The following PAPPA2 variants were observed in gnomAD, a reference collection of about 807,000 sequenced individuals.
PAPPA2 encodes the protein pappalysin 2.
In PAPPA2, 86 loss-of-function variants were observed where a neutral mutation model predicts 176.4. The observed-to-expected ratio is 0.49, with a 90% CI of 0.41 to 0.58. The LOEUF (loss-of-function observed/expected upper bound fraction) is 0.58. Ranked by LOEUF, PAPPA2 falls within the 20% of genes least tolerant of loss-of-function variation. The pLI is 0.00. For missense variants in PAPPA2, 2,073 were observed against 2,256.9 expected (o/e 0.92, Z 1.65); for synonymous variants, 809 against 852.2 (o/e 0.95, Z 0.88).
intron 20 of PAPPA2, among the ~76,000 whole-genome samples, chr1:176,795,701 T>G (rs1307139059): frequency 6.6e-6 from 1 of 152,198 alleles, no homozygotes; most frequent in African/African-American, 2.4e-5. Context: ...TTTTGCTTCA[T>G]AAATTCATTT....
At chr1:176,716,812 C>T (rs1016677157) in intron 12 of PAPPA2, among the ~76,000 whole-genome samples, 1 of 151,696 alleles carries the variant, frequency 6.6e-6, no homozygotes, top group Non-Finnish European at 1.5e-5. Context: ...GGGGTTTCAC[C>T]GTGTTAGCCA....
At chr1:176,755,245 G>A (rs1456855786) in intron 14 of PAPPA2, among the ~76,000 whole-genome samples, 1 of 152,146 alleles carries the variant, frequency 6.6e-6, no homozygotes, top group Admixed American at 6.5e-5. Flanking sequence ...GAGAGGTAGA[G>A]TCCCAAAGGG....
rs1667433576 is a variant in PAPPA2 at position 176,840,223 on chromosome 1, C to T, written c.5253C>T (p.Cys1751=). 6.2e-7 allele frequency: 1 copy of T among 1,613,434 alleles called. No individual in the cohort carries two copies. Among genetic ancestry groups the T allele is most frequent in the Admixed American group, 1.7e-5 (1 of 59,990 alleles). The stretch of plus-strand genomic sequence containing the variant: ...ACACTATCAACAACCGAGCCTACTG[C>T]CACTATGACGGGGGAGACTGCTGCT... The part of the protein sequence containing the change: ...WCDTINNRAY[C]HYDGGDCCSS... Residue 1751 remains cysteine (C), a synonymous_variant, in exon 22 of 23, where the codon TGC becomes TGT. Coordinates refer to ENST00000367662, the MANE Select transcript of PAPPA2 (RefSeq NM_020318.3).
chr1:176,823,512 T>G (rs1458549262), intron 21 of PAPPA2, among the ~76,000 whole-genome samples: 1 of 152,222 alleles, frequency 6.6e-6, no homozygotes, highest in Non-Finnish European at 1.5e-5. Flanking sequence ...AGGTAGGCTG[T>G]GGTCATAAAT....
At chr1:176,504,405 A>T (rs1469730192) in intron 1 of PAPPA2, among the ~76,000 whole-genome samples, 3 of 152,124 alleles carry the variant, frequency 2.0e-5, no homozygotes, top group South Asian at 4.1e-4. Flanking sequence ...TGTTCTTTAC[A>T]CAAATGAAAG....
At chr1:176,704,418 A>G (rs552645929) in intron 9 of PAPPA2, among the ~76,000 whole-genome samples, 1 of 152,296 alleles carries the variant, frequency 6.6e-6, no homozygotes, top group East Asian at 1.9e-4. Context: ...AACACTTGTC[A>G]ATAGGACTAC....
intron 1 of PAPPA2, among the ~76,000 whole-genome samples, chr1:176,493,824 T>G (rs1647442789): frequency 6.6e-6 from 1 of 152,156 alleles, no homozygotes. Context: ...AATAAACAGT[T>G]CAGGAGAAAA....
chr1:176,842,735 C>T lies in PAPPA2; in HGVS notation c.*281C>T. ...TAGATATATAAGGACCCTCCTCCCT[C>T]ACTTATATTCTATTAAATCCTATCC... On this transcript the variant is annotated 3_prime_UTR_variant, in exon 23 of 23. Transcript: ENST00000367662. The T allele has an allele frequency of 2.4e-6, 1 of 425,520 alleles. No individual in the cohort carries two copies. The highest frequency in any genetic ancestry group is 2.7e-5 in the South Asian group (1 of 37,380). 26.4% of individuals were successfully genotyped at this position (425,520 alleles called of 1,614,324 possible).
chr1:176,729,793 C>T (rs1393425286), intron 12 of PAPPA2, among the ~76,000 whole-genome samples: 1 of 151,992 alleles, frequency 6.6e-6, no homozygotes, highest in Non-Finnish European at 1.5e-5. Flanking sequence ...TAAAACCAGC[C>T]AATTTTAGAT....
chr1:176,535,528 G>C (rs183753659), intron 1 of PAPPA2, among the ~76,000 whole-genome samples: 98 of 152,328 alleles, frequency 6.4e-4, no homozygotes, highest in Middle Eastern at 3.4e-3. Context: ...AGGCACATGA[G>C]AGATGTGGGG....
chr1:176,634,548 C>A (rs1244058689), intron 3 of PAPPA2, among the ~76,000 whole-genome samples: 1 of 151,744 alleles, frequency 6.6e-6, no homozygotes, highest in Non-Finnish European at 1.5e-5. Context: ...ATGTAATAAA[C>A]CTGCACGTTG....
intron 1 of PAPPA2, among the ~76,000 whole-genome samples, chr1:176,474,215 A>G (rs953341110): frequency 9.2e-5 from 14 of 152,224 alleles, no homozygotes; most frequent in African/African-American, 2.7e-4. Flanking sequence ...CTTACTTTAC[A>G]TGTCCAAGGT....
At chr1:176,591,503 C>G (rs965996153) in intron 2 of PAPPA2, among the ~76,000 whole-genome samples, 1 of 152,106 alleles carries the variant, frequency 6.6e-6, no homozygotes, top group East Asian at 1.9e-4. Flanking sequence ...CAATAGTAAG[C>G]GTATTCCATT....
chr1:176,668,985 G>A (rs1658831342), intron 3 of PAPPA2, among the ~76,000 whole-genome samples: 1 of 152,084 alleles, frequency 6.6e-6, no homozygotes. Flanking sequence ...CCCTCGGAGG[G>A]TGCTCAAGAT....
intron 1 of PAPPA2, among the ~76,000 whole-genome samples, chr1:176,534,340 A>G (rs1236537238): frequency 6.6e-6 from 1 of 152,150 alleles, no homozygotes; most frequent in Non-Finnish European, 1.5e-5. Flanking sequence ...CTCTGGGCCC[A>G]GCCTACTCAT....
intron 18 of PAPPA2, 142 bp downstream of exon 18, chr1:176,790,119 C>A: frequency 2.1e-6 from 2 of 967,760 alleles, no homozygotes; most frequent in Non-Finnish European, 1.5e-6. Flanking sequence ...TGGTATTATG[C>A]AATAGAAAAT....
In PAPPA2 at chr1:176,592,060, A is replaced by G. The variant is rs78854493; in HGVS notation, c.920-2464A>G. On this transcript the variant is annotated intron_variant, in intron 2 of 22. Transcript: ENST00000367662. ...TAGTCTGTATTTGTGAAAGCTTCAC[A>G]TGTGACTCTGATCCACAACTAGAGT... 7.4e-4 allele frequency among the ~76,000 whole-genome samples: 112 copies of G among 152,322 alleles called. 1 individual carries two copies. Among genetic ancestry groups the G allele is most frequent in the African/African-American group, 2.7e-3 (112 of 41,580 alleles).
intron 6 of PAPPA2, 58 bp from the exon 7 acceptor site, chr1:176,695,680 T>C: frequency 6.3e-7 from 1 of 1,588,554 alleles, no homozygotes; most frequent in Middle Eastern, 1.7e-4. Context: ...AATTTTCTTA[T>C]CCCAACTCAT....
At chr1:176,692,696 A>G (rs1660173843) in intron 6 of PAPPA2, among the ~76,000 whole-genome samples, 1 of 152,156 alleles carries the variant, frequency 6.6e-6, no homozygotes, top group South Asian at 2.1e-4. Context: ...GGATTACAGC[A>G]TGCTTCTCCA....
Sources: allele counts gnomAD v4.1 joint callset (sites outside exome capture counted in the v4.1 genomes callset), GRCh38; gene constraint gnomAD v4.1.1; transcripts MANE v1.5; gene names NCBI Gene and HGNC (gene_info 2026-07-23, HGNC 2026-07-21).